Variants in DENND2C observed in about 807,000 individuals in gnomAD.
DENND2C encodes the protein DENN domain-containing protein 2C.
DENND2C carries 72 observed loss-of-function variants against 112.4 expected under a neutral mutation model. The ratio of observed to expected loss-of-function variants is 0.64; its 90% CI spans 0.53 to 0.78. The LOEUF (loss-of-function observed/expected upper bound fraction) is 0.78. Ranked by LOEUF, DENND2C falls within the 30% of genes least tolerant of loss-of-function variation. The pLI, the probability that DENND2C is intolerant of heterozygous loss-of-function variation, is 0.00. For synonymous variants in DENND2C, 329 were observed against 381.6 expected (o/e 0.86, Z 1.61); for missense variants, 992 against 1,113.8 (o/e 0.89, Z 1.56).
chr1:114,585,934 A>AT (rs1206771258), intron 20 of DENND2C, among the ~76,000 whole-genome samples: 1 of 151,906 alleles, frequency 6.6e-6, no homozygotes, highest in African/African-American at 2.4e-5. Flanking sequence ...CCAGGGGAAA[A>AT]TTTTTTTTAA....
chr1:114,594,112 A>G (rs1218182516), intron 18 of DENND2C, among the ~76,000 whole-genome samples: 2 of 152,218 alleles, frequency 1.3e-5, no homozygotes, highest in Non-Finnish European at 2.9e-5. Context: ...CTTGAATAAA[A>G]TTAAAGCAAA....
intron 3 of DENND2C, among the ~76,000 whole-genome samples, chr1:114,644,742 A>G (rs1656932789): frequency 1.3e-5 from 2 of 152,154 alleles, no homozygotes; most frequent in African/African-American, 4.8e-5. Context: ...GCAAGTTTCG[A>G]TGGCTTTCTA....
At chr1:114,668,391 T>C (rs926385818) in intron 1 of DENND2C, among the ~76,000 whole-genome samples, 1 of 152,210 alleles carries the variant, frequency 6.6e-6, no homozygotes, top group Non-Finnish European at 1.5e-5. Flanking sequence ...TTCTTGCCTA[T>C]AACTTAAGAC....
intron 1 of DENND2C, among the ~76,000 whole-genome samples, chr1:114,663,297 C>T (rs542872434): frequency 3.7e-4 from 56 of 152,188 alleles, no homozygotes; most frequent in African/African-American, 1.3e-3. Flanking sequence ...TTCACTGAAG[C>T]GAAAAGATCA....
intron 3 of DENND2C, among the ~76,000 whole-genome samples, chr1:114,633,832 TA>T (rs1656569448): frequency 6.6e-6 from 1 of 152,166 alleles, no homozygotes; most frequent in Non-Finnish European, 1.5e-5. Context: ...AAGCTCTAAG[TA>T]CAAGGCAAAG....
chr1:114,650,779 T>C (rs1436581123), intron 2 of DENND2C, among the ~76,000 whole-genome samples: 1 of 152,100 alleles, frequency 6.6e-6, no homozygotes, highest in Non-Finnish European at 1.5e-5. Context: ...TATTTCATTC[T>C]AAAGCTTAAA....
chr1:114,658,361 G>A (rs1385473042), intron 1 of DENND2C, among the ~76,000 whole-genome samples: 1 of 152,084 alleles, frequency 6.6e-6, no homozygotes, highest in African/African-American at 2.4e-5. Flanking sequence ...AACATCATGA[G>A]AGGAAAAAAT....
intron 3 of DENND2C, among the ~76,000 whole-genome samples, chr1:114,642,579 T>C (rs575939644): frequency 6.6e-5 from 10 of 152,188 alleles, no homozygotes; most frequent in Non-Finnish European, 1.3e-4. Context: ...GAGCACTTAA[T>C]ATGAGCCAGG....
chr1:114,610,365 T>C (rs1488979186), intron 9 of DENND2C, among the ~76,000 whole-genome samples: 2 of 152,214 alleles, frequency 1.3e-5, no homozygotes, highest in Non-Finnish European at 2.9e-5. Context: ...ATGTCAGAGA[T>C]ATCAAAGTTA....
Position 114,623,613 on chromosome 1 carries a change from G to A in DENND2C, c.837C>T (p.His279=). The change falls in exon 5 of 21, where the codon CAC becomes CAT. Residue 279 remains histidine (H), a synonymous_variant. Transcript: ENST00000393274. ...TCGTCTGTGAGTTCCGATTTCGAAA[G>A]TGCTGAATATCCTCAAATTCAAAGG... ...RKSFEFEDIQ[H]FRNRNSQTIR... is the part of the protein sequence containing the mutation. The A allele has an allele frequency of 6.2e-7, 1 of 1,603,510 alleles. No individual in the cohort carries two copies. Among genetic ancestry groups the A allele is most frequent in the Non-Finnish European group, 8.5e-7 (1 of 1,175,134 alleles).
At chr1:114,657,353 A>G (rs1406650603) in intron 1 of DENND2C, among the ~76,000 whole-genome samples, 1 of 152,192 alleles carries the variant, frequency 6.6e-6, no homozygotes, top group African/African-American at 2.4e-5. Flanking sequence ...ATACATCATC[A>G]TGTTCTGTTA....
At chr1:114,656,635 A>G (rs991445871) in intron 1 of DENND2C, among the ~76,000 whole-genome samples, 11 of 151,646 alleles carry the variant, frequency 7.3e-5, no homozygotes, top group Non-Finnish European at 4.4e-5. Flanking sequence ...TGACCTTGTG[A>G]TCTGCCTGCC....
At chr1:114,651,612 G>A (rs538802964) in intron 2 of DENND2C, among the ~76,000 whole-genome samples, 1 of 151,966 alleles carries the variant, frequency 6.6e-6, no homozygotes, top group Non-Finnish European at 1.5e-5. Context: ...GGTGGCATGT[G>A]CCTATAATCC....
intron 17 of DENND2C, among the ~76,000 whole-genome samples, chr1:114,594,803 T>C (rs1655297964): frequency 1.3e-5 from 2 of 152,204 alleles, no homozygotes; most frequent in South Asian, 4.1e-4. Context: ...TCTGGCACTT[T>C]TCCACCAGAT....
chr1:114,668,484 T>C (rs1657703532), intron 1 of DENND2C, among the ~76,000 whole-genome samples: 1 of 151,486 alleles, frequency 6.6e-6, no homozygotes, highest in African/African-American at 2.4e-5. Flanking sequence ...ATATTCTTCC[T>C]TTATTGCTGC....
chr1:114,610,579 A>G (rs1209742529), intron 9 of DENND2C, among the ~76,000 whole-genome samples: 1 of 152,110 alleles, frequency 6.6e-6, no homozygotes, highest in East Asian at 1.9e-4. Context: ...ACATGCCTAT[A>G]ATCCCAGCTA....
chr1:114,644,093 T>C (rs1390608947), intron 3 of DENND2C, among the ~76,000 whole-genome samples: 1 of 152,176 alleles, frequency 6.6e-6, no homozygotes, highest in African/African-American at 2.4e-5. Flanking sequence ...TAACTCCACC[T>C]TTAAAACAAA....
At chr1:114,655,015 A>G (rs1369627358) in intron 1 of DENND2C, among the ~76,000 whole-genome samples, 1 of 152,198 alleles carries the variant, frequency 6.6e-6, no homozygotes, top group African/African-American at 2.4e-5. Context: ...CTTAAGTCAC[A>G]TGTACAAACT....
At chr1:114,656,547 C>T (rs532830070) in intron 1 of DENND2C, among the ~76,000 whole-genome samples, 1 of 151,662 alleles carries the variant, frequency 6.6e-6, no homozygotes, top group African/African-American at 2.4e-5. Flanking sequence ...CAGGCATGCA[C>T]CACCACGCCC....
Sources: allele counts gnomAD v4.1 joint callset (sites outside exome capture counted in the v4.1 genomes callset), GRCh38; gene constraint gnomAD v4.1.1; transcripts MANE v1.5; gene names NCBI Gene and HGNC (gene_info 2026-07-23, HGNC 2026-07-21).